Variants in SND1 observed in about 807,000 individuals in gnomAD.
The protein encoded by SND1 is staphylococcal nuclease and tudor domain containing 1.
A neutral mutation model predicts 121.7 loss-of-function variants in SND1; 38 were observed. The ratio of observed to expected loss-of-function variants is 0.31; its 90% CI spans 0.24 to 0.41. The LOEUF is 0.41. Among genes scored for constraint, SND1 ranks in the 10% least tolerant of loss-of-function variants. SND1 has a pLI of 1.00. For missense variants in SND1, 868 were observed against 1,184.6 expected, an observed-to-expected ratio of 0.73 and a Z score of 3.92; for synonymous variants, 401 against 447.4, an observed-to-expected ratio of 0.90 and a Z score of 1.31.
chr7:127,882,468 G>C lies in SND1; in HGVS notation c.1344-5434G>C, dbSNP rs1442474692. ...GGGGAAGAGAGGGGAGAGGAGAGGA[G>C]AGGAATTTAATTATTTTGGAAATAG... On this transcript the variant is annotated intron_variant, in intron 12 of 23. Transcript: ENST00000354725. 5.3e-5 allele frequency among the ~76,000 whole-genome samples: 8 copies of C among 150,490 alleles called. 1 individual carries two copies. In the South Asian group the frequency reaches 1.7e-3, roughly 32 times the overall value.
At chr7:127,671,403 A>G (rs1445625776) in intron 1 of SND1, among the ~76,000 whole-genome samples, 1 of 152,212 alleles carries the variant, frequency 6.6e-6, no homozygotes, top group Non-Finnish European at 1.5e-5. Context: ...CTGTGAATCT[A>G]TTGAGTACTG....
At position 127,694,905 on chromosome 7, in the gene SND1, G is replaced by A; in HGVS notation, c.306G>A (p.Lys102=). The stretch of plus-strand genomic sequence containing the variant: ...AAGTCTGTTTCACGATAGAAAACAA[G>A]ACTCCCCAGGGGCGAGAGTATGGCA... ...GKEVCFTIEN[K]TPQGREYGMI... is the part of the protein sequence containing the mutation. The change falls in exon 3 of 24, where the codon AAG becomes AAA. Residue 102 remains lysine (K), a synonymous_variant. Coordinates refer to ENST00000354725, the MANE Select transcript of SND1 (RefSeq NM_014390.4). 1 of 1,613,914 alleles carries A rather than the reference G, an allele frequency of 6.2e-7. No individual in the cohort carries two copies. The highest frequency in any genetic ancestry group is 1.1e-5 in the South Asian group (1 of 91,020).
At chr7:127,989,488 A>G (rs1003086168) in intron 15 of SND1, among the ~76,000 whole-genome samples, 3 of 152,004 alleles carry the variant, frequency 2.0e-5, no homozygotes, top group Admixed American at 6.5e-5. Flanking sequence ...AGCTTTATTC[A>G]TACACAGAGA....
intron 1 of SND1, among the ~76,000 whole-genome samples, chr7:127,652,800 T>C (rs1430398269): frequency 9.9e-5 from 15 of 152,214 alleles, no homozygotes; most frequent in Non-Finnish European, 1.3e-4. Context: ...TTTTGACATA[T>C]GCTGAGTAGT....
rs894039389 is a variant in SND1, at chr7:128,015,592, G to A, written c.1779+24536G>A. Among the ~76,000 whole-genome samples, 4 of 152,146 alleles carry A rather than the reference G, an allele frequency of 2.6e-5. No homozygotes were observed. The highest frequency in any genetic ancestry group is 2.0e-4 in the Admixed American group (3 of 15,278). On this transcript the variant is annotated intron_variant, in intron 16 of 23. Transcript: ENST00000354725. The surrounding 1 kb of genome is among the most constrained non-coding windows in gnomAD (Gnocchi z 4.5). ...CTGGTTCAAGGTGCTTAAAGGTAGT[G>A]CCCTGTAATACACCATTATAATCAA...
intron 1 of SND1, among the ~76,000 whole-genome samples, chr7:127,674,000 T>C (rs1795571827): frequency 6.6e-6 from 1 of 151,660 alleles, no homozygotes; most frequent in Non-Finnish European, 1.5e-5. Flanking sequence ...TCCTTCCCTT[T>C]CCTTTTCCTT....
chr7:127,653,530 C>G (rs1484439990), intron 1 of SND1, among the ~76,000 whole-genome samples: 1 of 152,072 alleles, frequency 6.6e-6, no homozygotes, highest in Non-Finnish European at 1.5e-5. Context: ...CTATTTTAGG[C>G]CTGGTGCGGT....
chr7:127,962,595 T>G (rs1563072143), intron 15 of SND1, among the ~76,000 whole-genome samples: 1 of 152,230 alleles, frequency 6.6e-6, no homozygotes. Context: ...TTACCATTTT[T>G]CTGGCTAGCA....
intron 10 of SND1, among the ~76,000 whole-genome samples, chr7:127,781,215 C>T (rs900680991): frequency 2.6e-5 from 4 of 152,120 alleles, no homozygotes; most frequent in Admixed American, 2.0e-4. Context: ...AGTTCTCATC[C>T]AACCCACAGA....
At chr7:128,057,648 A>G (rs1274352741) in intron 16 of SND1, among the ~76,000 whole-genome samples, 2 of 152,194 alleles carry the variant, frequency 1.3e-5, no homozygotes, top group African/African-American at 4.8e-5. Context: ...GCTTTCCTAG[A>G]AGTCCCACCA....
chr7:127,888,410 G>C (rs966453582), intron 13 of SND1, among the ~76,000 whole-genome samples: 7 of 151,978 alleles, frequency 4.6e-5, no homozygotes, highest in Non-Finnish European at 7.4e-5. Flanking sequence ...AGCCCCTCCC[G>C]TTTACCACCT....
At chr7:127,819,810 T>G (rs932000147) in intron 11 of SND1, among the ~76,000 whole-genome samples, 1 of 152,202 alleles carries the variant, frequency 6.6e-6, no homozygotes, top group African/African-American at 2.4e-5. Flanking sequence ...CATCAAAGAT[T>G]GTTTTATTTT....
At chr7:128,030,254 C>T in intron 16 of SND1, 1 of 1,614,226 alleles carries the variant, frequency 6.2e-7, no homozygotes, top group East Asian at 2.2e-5. Context: ...TGTCGAACAG[C>T]TCCAGGGTGT....
chr7:127,985,229 G>A (rs930478218), intron 15 of SND1, among the ~76,000 whole-genome samples: 7 of 152,194 alleles, frequency 4.6e-5, no homozygotes, highest in African/African-American at 1.7e-4. Flanking sequence ...GATGTGTCCT[G>A]TTAAGCCCCG....
intron 10 of SND1, among the ~76,000 whole-genome samples, chr7:127,768,065 T>C (rs1383439935): frequency 6.6e-6 from 1 of 152,164 alleles, no homozygotes; most frequent in East Asian, 1.9e-4. Context: ...GGCTTGATAA[T>C]TGAATATGCC....
intron 1 of SND1, among the ~76,000 whole-genome samples, chr7:127,674,089 C>G (rs572919897): frequency 4.0e-5 from 6 of 151,502 alleles, no homozygotes; most frequent in Admixed American, 1.3e-4. Flanking sequence ...TTCCTGCCTT[C>G]CTCTCTCCCT....
Position 128,029,285 on chromosome 7 carries a change from G to A in SND1, c.1779+38229G>A. On this transcript the variant is annotated intron_variant, in intron 16 of 23. Transcript: ENST00000354725. This position sits in a 1 kb window ranked among gnomAD's most constrained non-coding sequence, Gnocchi z 4.2. ...TCTCCACTGTTACTGTGGTGAAGAAGCTGTAGTTGGAGGTGTTAAGCTCAG... is the reference window on the plus strand; with the variant it reads ...TCTCCACTGTTACTGTGGTGAAGAAACTGTAGTTGGAGGTGTTAAGCTCAG... The A allele has an allele frequency of 6.2e-7, 1 of 1,614,222 alleles. No homozygotes were observed.
chr7:128,087,697 T>C (rs2117068558), intron 21 of SND1, among the ~76,000 whole-genome samples: 1 of 152,308 alleles, frequency 6.6e-6, no homozygotes, highest in Non-Finnish European at 1.5e-5. Flanking sequence ...TTTATGGGTC[T>C]GTGTAGTTAA....
chr7:128,078,589 G>A lies in SND1; in HGVS notation c.1969-2771G>A, dbSNP rs191032522. Reference sequence around the variant, plus strand: ...CCCAAGGCTTTGGTTTGCATCTTCCGTGACCTCACGCCTGCTGCCCACCTG... The same window carrying A: ...CCCAAGGCTTTGGTTTGCATCTTCCATGACCTCACGCCTGCTGCCCACCTG... On this transcript the variant is annotated intron_variant, in intron 17 of 23. Transcript: ENST00000354725. 2.6e-5 allele frequency among the ~76,000 whole-genome samples: 4 copies of A among 152,320 alleles called. No homozygotes were observed. In the East Asian group the frequency reaches 5.8e-4, roughly 22 times the overall value.
Sources: gnomAD v4.1 joint callset for allele counts (sites outside exome capture counted in the v4.1 genomes callset) on GRCh38, gnomAD v4.1.1 for gene constraint, Gnocchi (gnomAD v3.1) non-coding constraint, MANE v1.5 for transcripts, NCBI Gene and HGNC (gene_info 2026-07-23, HGNC 2026-07-21) for gene names.